Variants in SLIT3 observed in about 807,000 individuals in gnomAD.
SLIT3 encodes slit guidance ligand 3.
In SLIT3, 68 loss-of-function variants were observed where a neutral mutation model predicts 184.0. The ratio of observed to expected loss-of-function variants is 0.37; its 90% CI spans 0.30 to 0.45. The LOEUF is 0.45. SLIT3 is among the 20% of genes least tolerant of loss of function. SLIT3 has a pLI of 1.00. For synonymous variants in SLIT3, 831 were observed against 828.6 expected, an observed-to-expected ratio of 1.00 and a Z score of -0.05; for missense variants, 1,707 against 2,026.0, an observed-to-expected ratio of 0.84 and a Z score of 3.02.
At chr5:169,125,809 T>C (rs919721495) in intron 4 of SLIT3, among the ~76,000 whole-genome samples, 5 of 152,194 alleles carry the variant, frequency 3.3e-5, no homozygotes, top group Non-Finnish European at 7.3e-5. Context: ...CTTCCATACC[T>C]GTCCATCAGC....
At position 169,099,492 on chromosome 5, in the gene SLIT3, T is replaced by C. The variant is rs1034227494; in HGVS notation, c.413+93987A>G. On this transcript the variant is annotated intron_variant, in intron 4 of 35. Coordinates refer to ENST00000519560, the MANE Select transcript of SLIT3 (RefSeq NM_003062.4). ...TCACTAACACATGTTTAGCAACTACTGTGTGCTCTTCACAGTGCTGACTGT... is the reference window on the plus strand; with the variant it reads ...TCACTAACACATGTTTAGCAACTACCGTGTGCTCTTCACAGTGCTGACTGT... Among the ~76,000 whole-genome samples the C allele has an allele frequency of 2.0e-5, 3 of 152,264 alleles. No individual in the cohort carries two copies. The East Asian group carries it at 5.8e-4, about 29-fold the overall frequency.
chr5:169,165,580 C>T (rs528129945), intron 4 of SLIT3, among the ~76,000 whole-genome samples: 2 of 152,290 alleles, frequency 1.3e-5, no homozygotes, highest in East Asian at 1.9e-4. Context: ...TTGACAAATT[C>T]GTTCATTCAA....
chr5:168,911,239 T>C (rs1179815030), intron 4 of SLIT3, among the ~76,000 whole-genome samples: 1 of 152,178 alleles, frequency 6.6e-6, no homozygotes, highest in African/African-American at 2.4e-5. Context: ...TATATGTATG[T>C]TAAACTCCCG....
chr5:169,299,663 A>G (rs1767620923), intron 1 of SLIT3, among the ~76,000 whole-genome samples: 1 of 152,126 alleles, frequency 6.6e-6, no homozygotes. Flanking sequence ...CAAAATGATA[A>G]ATGTTTCCAA....
chr5:169,221,346 C>A (rs1764614254), intron 3 of SLIT3, among the ~76,000 whole-genome samples: 1 of 152,322 alleles, frequency 6.6e-6, no homozygotes, highest in East Asian at 1.9e-4. Context: ...TGCACTGTTT[C>A]TTCCCATTCA....
chr5:168,710,990 C>A lies in SLIT3; in HGVS notation c.2624G>T (p.Gly875Val), dbSNP rs1036337072. The A allele has an allele frequency of 3.2e-6, 5 of 1,571,028 alleles. No individual in the cohort carries two copies. Among genetic ancestry groups the A allele is most frequent in the African/African-American group, 1.4e-5 (1 of 73,938 alleles). ...LRWLSEWVKAGYKEPGIARCS... is the reference protein window; with the variant it reads ...LRWLSEWVKAVYKEPGIARCS... Reference sequence around the variant, plus strand: ...GCGGGCGATGCCAGGCTCCTTGTACCCCGCCTTCACCCACTCCGACAGCCA... The same window carrying A: ...GCGGGCGATGCCAGGCTCCTTGTACACCGCCTTCACCCACTCCGACAGCCA... The change falls in exon 25 of 36, where the codon GGG becomes GTG. Residue 875 changes from glycine to valine, a missense_variant. Physicochemically the swap from Gly to Val is moderately radical, Grantham distance 109. Transcript: ENST00000519560.
intron 3 of SLIT3, among the ~76,000 whole-genome samples, chr5:169,232,465 T>C (rs145666671): frequency 6.6e-6 from 1 of 152,186 alleles, no homozygotes. Flanking sequence ...CCTCAGGTGA[T>C]CCACTCACCT....
At chr5:169,162,230 A>G (rs1581004028) in intron 4 of SLIT3, among the ~76,000 whole-genome samples, 1 of 152,154 alleles carries the variant, frequency 6.6e-6, no homozygotes, top group East Asian at 1.9e-4. Context: ...ACCAGCTGGG[A>G]TCTTGGTAGA....
At chr5:168,946,055 TA>T (rs1424140351) in intron 4 of SLIT3, among the ~76,000 whole-genome samples, 1 of 152,228 alleles carries the variant, frequency 6.6e-6, no homozygotes, top group Non-Finnish European at 1.5e-5. Flanking sequence ...ACGACAATGC[TA>T]GGGGGGAGTC....
intron 5 of SLIT3, among the ~76,000 whole-genome samples, chr5:168,875,999 C>T (rs966378573): frequency 3.3e-5 from 5 of 152,088 alleles, no homozygotes; most frequent in African/African-American, 1.2e-4. Context: ...ATCTGCATGG[C>T]CTTGCCTCGG....
chr5:168,717,587 A>G (rs1375715543), intron 23 of SLIT3, among the ~76,000 whole-genome samples: 2 of 152,134 alleles, frequency 1.3e-5, no homozygotes, highest in Non-Finnish European at 2.9e-5. Context: ...ACAGCAACTA[A>G]CCGGTAGCAG....
intron 14 of SLIT3, chr5:168,768,335 C>T: frequency 2.2e-6 from 1 of 463,120 alleles, no homozygotes; most frequent in Non-Finnish European, 4.4e-6. Context: ...GAAGCCGGAG[C>T]AGGCCCCCAC....
At chr5:168,764,458 C>T (rs564332370) in intron 14 of SLIT3, among the ~76,000 whole-genome samples, 2 of 152,234 alleles carry the variant, frequency 1.3e-5, no homozygotes, top group South Asian at 2.1e-4. Flanking sequence ...TTGCTTCTCC[C>T]CAAAGGTTTT....
Position 168,708,190 on chromosome 5 carries a change from C to A in SLIT3, c.2720-90G>T, listed in dbSNP as rs140872964. ...CCCTCTGCTCTGGGCCCTCCCTCAG[C>A]CAGCGCCAGCCCCTTCCCAACTCCA... On this transcript the variant is annotated intron_variant, in intron 25 of 35. Coordinates refer to ENST00000519560, the MANE Select transcript of SLIT3 (RefSeq NM_003062.4). 8.9e-4 allele frequency: 1,389 copies of A among 1,569,454 alleles called. 12 individuals carry two copies. In the African/African-American group the frequency reaches 0.015, roughly 17 times the overall value.
chr5:168,761,916 A>T (rs1755163033), intron 15 of SLIT3, among the ~76,000 whole-genome samples: 1 of 101,724 alleles, frequency 9.8e-6, no homozygotes. Context: ...TAATAAAAAA[A>T]AAAAATTTTT....
At position 168,700,666 on chromosome 5, in the gene SLIT3, G is replaced by A; in HGVS notation, c.2858C>T (p.Thr953Ile). Residue 953 changes from threonine (T) to isoleucine (I), a missense_variant, in exon 27 of 36, where the codon ACT becomes ATT. Physicochemically the swap from Thr to Ile is moderately conservative, Grantham distance 89. Around this residue, in one of 3 missense-constraint regions of SLIT3, gnomAD observed 1,307 missense variants for 1,511.6 expected, o/e 0.86. Coordinates refer to ENST00000519560, the MANE Select transcript of SLIT3 (RefSeq NM_003062.4). Reference protein sequence around the residue: ...CPYSYKGKDCTVPINTCIQNP... With the variant: ...CPYSYKGKDCIVPINTCIQNP... ...CTGGATGCAGGTGTTGATGGGCACA[G>A]TGCAGTCCTTGCCCTGAGGAGCAAA... is the stretch of plus-strand genomic sequence containing the variant. The A allele has an allele frequency of 6.2e-7, 1 of 1,614,040 alleles. No individual in the cohort carries two copies. The highest frequency in any genetic ancestry group is 8.5e-7 in the Non-Finnish European group (1 of 1,179,938).
intron 9 of SLIT3, among the ~76,000 whole-genome samples, chr5:168,797,547 T>C (rs1046240801): frequency 6.6e-6 from 1 of 152,156 alleles, no homozygotes; most frequent in Non-Finnish European, 1.5e-5. Context: ...TTACCCTCCA[T>C]CTTAATGATG....
In SLIT3 at chr5:169,300,797, C is replaced by T; in HGVS notation, c.-88G>A. ...GGAGGCGCGCGGGGAGCGCGGGCGG[C>T]CTGGGGAGCGGGCGGCGGAGTTAGC... On this transcript the variant is annotated 5_prime_UTR_variant, in exon 1 of 36. Coordinates refer to ENST00000519560, the MANE Select transcript of SLIT3 (RefSeq NM_003062.4). This position sits in a 1 kb window ranked among gnomAD's most constrained non-coding sequence, Gnocchi z 4.1. The T allele has an allele frequency of 1.6e-6, 2 of 1,218,886 alleles. No homozygotes were observed. The highest frequency in any genetic ancestry group is 2.0e-6 in the Non-Finnish European group (2 of 977,392). The allele number at this position is 1,218,886 out of a possible 1,614,324, so 75.5% of individuals were successfully genotyped here. A position where few individuals can be genotyped will look rare whatever the true frequency, so the allele number is the denominator to read the frequency against.
intron 4 of SLIT3, among the ~76,000 whole-genome samples, chr5:169,099,566 G>T (rs936550819): frequency 1.3e-5 from 2 of 152,184 alleles, no homozygotes; most frequent in Non-Finnish European, 2.9e-5. Context: ...GATTAGAAAT[G>T]ATTATTAGCC....
Sources: allele counts gnomAD v4.1 joint callset (sites outside exome capture counted in the v4.1 genomes callset), GRCh38; gene constraint gnomAD v4.1.1; regional missense constraint gnomAD v4.1.1; non-coding constraint Gnocchi (gnomAD v3.1); transcripts MANE v1.5; gene names NCBI Gene and HGNC (gene_info 2026-07-23, HGNC 2026-07-21).